VANGL1: variants seen among roughly 807,000 people sequenced by gnomAD.
VANGL1 encodes the protein vang-like protein 1.
Under a neutral mutation model 48.4 loss-of-function variants are expected in VANGL1, and 18 were observed. The ratio of observed to expected loss-of-function variants is 0.37; its 90% CI spans 0.26 to 0.55. The LOEUF (loss-of-function observed/expected upper bound fraction) is 0.55. VANGL1 is among the 20% of genes least tolerant of loss of function. VANGL1 has a pLI of 0.81. For synonymous variants in VANGL1, 257 were observed against 261.8 expected, an observed-to-expected ratio of 0.98 and a Z score of 0.18; for missense variants, 667 against 675.8, an observed-to-expected ratio of 0.99 and a Z score of 0.14.
chr1:115,684,156 A>ATTTG (rs1653505987), intron 6 of VANGL1, 80 bp downstream of exon 6: 2 of 1,312,498 alleles, frequency 1.5e-6, no homozygotes, highest in Non-Finnish European at 2.0e-6. Flanking sequence ...TTATTTATTT[A>ATTTG]GAGACAGAAT....
rs1653845961 is a variant in VANGL1 at position 115,691,733 on chromosome 1, G to A, written c.*354G>A. 4.3e-6 allele frequency: 1 copy of A among 232,200 alleles called. No homozygotes were observed. The highest frequency in any genetic ancestry group is 2.3e-5 in the African/African-American group (1 of 43,266). 14.4% of individuals were successfully genotyped at this position (232,200 alleles called of 1,614,324 possible). The stretch of plus-strand genomic sequence containing the variant: ...CAGTACCAAGTCCCCCGTTGCTTCT[G>A]GTCAGCCCACTTGTAGACTTCCAGG... On this transcript the variant is annotated 3_prime_UTR_variant, in exon 8 of 8. Transcript: ENST00000355485.
chr1:115,682,814 A>G (rs1379316440), intron 5 of VANGL1, among the ~76,000 whole-genome samples: 1 of 152,192 alleles, frequency 6.6e-6, no homozygotes. Flanking sequence ...AAATTGGTGC[A>G]CATTACCCAC....
At chr1:115,680,392 T>A (rs1452226310) in intron 4 of VANGL1, among the ~76,000 whole-genome samples, 1 of 152,180 alleles carries the variant, frequency 6.6e-6, no homozygotes, top group African/African-American at 2.4e-5. Flanking sequence ...ATCTTCATAT[T>A]CCCAGGGCTT....
intron 2 of VANGL1, among the ~76,000 whole-genome samples, chr1:115,659,135 T>G (rs1319219894): frequency 6.6e-6 from 1 of 152,180 alleles, no homozygotes; most frequent in Non-Finnish European, 1.5e-5. Context: ...ACTTTGAATT[T>G]CCTTTCTTCT....
intron 7 of VANGL1, 125 bp from the exon 8 acceptor site, chr1:115,690,994 G>C (rs1364218112): frequency 7.6e-7 from 1 of 1,322,354 alleles, no homozygotes; most frequent in African/African-American, 1.5e-5. Context: ...GATGAGCTGG[G>C]CTCTGGTCTA....
At chr1:115,667,628 C>A (rs2101010121) in intron 4 of VANGL1, among the ~76,000 whole-genome samples, 1 of 152,290 alleles carries the variant, frequency 6.6e-6, no homozygotes, top group Admixed American at 6.5e-5. Context: ...ACCGCTTACC[C>A]CACCGCACTT....
At chr1:115,680,019 G>GTA (rs1653321844) in intron 4 of VANGL1, among the ~76,000 whole-genome samples, 1 of 95,822 alleles carries the variant, frequency 1.0e-5, no homozygotes, top group Non-Finnish European at 2.1e-5. Context: ...GTGTGTGTGT[G>GTA]TGTATGTGAG....
At chr1:115,679,111 C>T (rs1653278239) in intron 4 of VANGL1, among the ~76,000 whole-genome samples, 1 of 152,192 alleles carries the variant, frequency 6.6e-6, no homozygotes, top group Admixed American at 6.5e-5. Context: ...AGACCATCCT[C>T]TGTAGGTGAG....
At chr1:115,670,690 C>A (rs191339371) in intron 4 of VANGL1, among the ~76,000 whole-genome samples, 2 of 152,128 alleles carry the variant, frequency 1.3e-5, no homozygotes, top group Admixed American at 1.3e-4. Flanking sequence ...GTGGCTGCAA[C>A]GTTGGGAAAA....
In VANGL1 at chr1:115,697,838, C is replaced by A. The variant is rs1654084300; in HGVS notation, c.*6459C>A. On this transcript the variant is annotated 3_prime_UTR_variant, in exon 8 of 8. Coordinates refer to ENST00000355485, the MANE Select transcript of VANGL1 (RefSeq NM_138959.3). ...ATTAGTTAATACTGTACATTGTAAC[C>A]AGGAGGGGCAGTTTTGCCAACCAGC... 1 of 152,120 alleles carries A rather than the reference C, an allele frequency of 6.6e-6. No individual in the cohort carries two copies. The highest frequency in any genetic ancestry group is 6.5e-5 in the Admixed American group (1 of 15,268). The allele number at this position is 152,120 out of a possible 1,614,324, so 9.4% of individuals were successfully genotyped here.
At position 115,684,210 on chromosome 1, in the gene VANGL1, C is replaced by T. The variant is rs184773583; in HGVS notation, c.1079+134C>T. 315 of 960,310 alleles carry T rather than the reference C, an allele frequency of 3.3e-4. 3 individuals carry two copies. The East Asian group carries it at 0.015, about 45-fold the overall frequency. 59.5% of individuals were successfully genotyped at this position (960,310 alleles called of 1,614,324 possible). ...CTGGAGTGCAGTGGCAAGATCTTGG[C>T]TCACTGTCACCTCTGCCTCCCAGGT... On this transcript the variant is annotated intron_variant, in intron 6 of 7. Transcript: ENST00000355485.
chr1:115,654,116 T>G (rs1248851554), intron 2 of VANGL1, among the ~76,000 whole-genome samples: 1 of 152,114 alleles, frequency 6.6e-6, no homozygotes, highest in Non-Finnish European at 1.5e-5. Context: ...CCAAGGAGTG[T>G]TCCTGTGAAG....
At chr1:115,684,192 G>T in intron 6 of VANGL1, 116 bp downstream of exon 6, 1 of 1,130,778 alleles carries the variant, frequency 8.8e-7, no homozygotes, top group Non-Finnish European at 1.1e-6. Context: ...AGGCTGGAGT[G>T]CAGTGGCAAG....
intron 1 of VANGL1, among the ~76,000 whole-genome samples, chr1:115,651,051 G>T (rs995325782): frequency 6.6e-6 from 1 of 152,084 alleles, no homozygotes; most frequent in African/African-American, 2.4e-5. Context: ...TCCTGCTGCT[G>T]TGGTAGGGGT....
At chr1:115,679,760 T>C (rs1312659014) in intron 4 of VANGL1, among the ~76,000 whole-genome samples, 3 of 152,224 alleles carry the variant, frequency 2.0e-5, no homozygotes, top group African/African-American at 7.2e-5. Context: ...ATGATTGCTT[T>C]TTAATTTTTA....
At position 115,696,180 on chromosome 1, in the gene VANGL1, T is replaced by A. The variant is rs1654023066; in HGVS notation, c.*4801T>A. The A allele has an allele frequency of 6.6e-6, 1 of 152,402 alleles. No homozygotes were observed. The highest frequency in any genetic ancestry group is 2.1e-4 in the South Asian group (1 of 4,832). The allele number at this position is 152,402 out of a possible 1,614,324, so 9.4% of individuals were successfully genotyped here. A position where few individuals can be genotyped will look rare whatever the true frequency, so the allele number is the denominator to read the frequency against. On this transcript the variant is annotated 3_prime_UTR_variant, in exon 8 of 8. Transcript: ENST00000355485. ...TTGGGCAAGATGCGTGCCTTGGGCC[T>A]TGGGTGCAGGGAGGCAGGCAGGGGC... is the stretch of plus-strand genomic sequence containing the variant.
chr1:115,668,315 A>G (rs1285390490), intron 4 of VANGL1, among the ~76,000 whole-genome samples: 3 of 152,192 alleles, frequency 2.0e-5, no homozygotes, highest in African/African-American at 7.2e-5. Context: ...ATATTTTTGT[A>G]TACATTATCC....
In VANGL1 at chr1:115,685,488, G is replaced by C; in HGVS notation, c.1275G>C (p.Gln425His). ...ACCACAGCATGGAGAGCATCCTGCA[G>C]CACCTGGCCTTCTGCATCACCAACG... Reference protein sequence around the residue: ...QNYHSMESILQHLAFCITNGM... With the variant: ...QNYHSMESILHHLAFCITNGM... The change falls in exon 7 of 8, where the codon CAG becomes CAC. Residue 425 changes from glutamine (Q) to histidine (H), a missense_variant. By Grantham distance (24) the Gln-to-His change is conservative. Coordinates refer to ENST00000355485, the MANE Select transcript of VANGL1 (RefSeq NM_138959.3). 1.2e-6 allele frequency: 2 copies of C among 1,614,112 alleles called. No individual in the cohort carries two copies.
chr1:115,661,002 C>G (rs546324333), intron 3 of VANGL1, among the ~76,000 whole-genome samples: 2 of 152,100 alleles, frequency 1.3e-5, no homozygotes, highest in Non-Finnish European at 2.9e-5. Context: ...TGCCAGTGGC[C>G]TACAGCAAAG....
Sources: allele counts gnomAD v4.1 joint callset (sites outside exome capture counted in the v4.1 genomes callset), GRCh38; gene constraint gnomAD v4.1.1; transcripts MANE v1.5; gene names NCBI Gene and HGNC (gene_info 2026-07-23, HGNC 2026-07-21).